TBC1D5: variants seen among roughly 807,000 people sequenced by gnomAD.
TBC1D5 encodes TBC1 domain family member 5.
TBC1D5 carries 75 observed loss-of-function variants against 100.3 expected under a neutral mutation model. The ratio of observed to expected loss-of-function variants is 0.75; its 90% CI spans 0.62 to 0.91. The LOEUF is 0.91. Ranked by LOEUF, TBC1D5 falls within the 40% of genes least tolerant of loss-of-function variation. TBC1D5 has a pLI of 0.00. For missense variants in TBC1D5, 910 were observed against 942.4 expected (o/e 0.97, Z 0.45); for synonymous variants, 323 against 325.6 (o/e 0.99, Z 0.09).
At chr3:17,420,207 CAA>C (rs1236284439) in intron 4 of TBC1D5, among the ~76,000 whole-genome samples, 4 of 128,844 alleles carry the variant, frequency 3.1e-5, no homozygotes, top group African/African-American at 5.7e-5. Context: ...CTCCCTTGAA[CAA>C]AAAAAAAAAA....
chr3:17,706,106 G>T, intron 1 of TBC1D5: 1 of 1,606,102 alleles, frequency 6.2e-7, no homozygotes, highest in Non-Finnish European at 8.5e-7. Flanking sequence ...GCTTGCCCTC[G>T]AAGGTGAAGT....
rs548489645 is a variant in TBC1D5, at chr3:17,628,284, G to A, written c.-100-4371C>T. ...ACTTGTGAGGCCGGGCAGGGGAACT[G>A]CTAGAACCCAGGAGGTAGAGGCTGC... is the stretch of plus-strand genomic sequence containing the variant. On this transcript the variant is annotated intron_variant, in intron 1 of 21. Coordinates refer to ENST00000253692, the Ensembl canonical transcript of TBC1D5. Among the ~76,000 whole-genome samples, 5 of 151,858 alleles carry A rather than the reference G, an allele frequency of 3.3e-5. No individual in the cohort carries two copies. In the South Asian group the frequency reaches 1.0e-3, roughly 31 times the overall value.
intron 8 of TBC1D5, among the ~76,000 whole-genome samples, chr3:17,385,887 T>C (rs1444093554): frequency 1.3e-5 from 2 of 152,026 alleles, no homozygotes; most frequent in Non-Finnish European, 2.9e-5. Flanking sequence ...AGAGAAAAAG[T>C]AACCTGAAGA....
intron 16 of TBC1D5, among the ~76,000 whole-genome samples, chr3:17,248,963 A>T (rs561676237): frequency 2.0e-5 from 3 of 152,284 alleles, no homozygotes; most frequent in Admixed American, 1.3e-4. Flanking sequence ...TGTTACAGAG[A>T]CAACTTCTTC....
chr3:17,289,354 T>TG (rs1283410733), intron 15 of TBC1D5, among the ~76,000 whole-genome samples: 3 of 150,642 alleles, frequency 2.0e-5, no homozygotes, highest in East Asian at 2.0e-4. Flanking sequence ...AGGCCCTGGG[T>TG]GGGAATGTTG....
At chr3:17,408,613 G>A (rs1177193961) in intron 4 of TBC1D5, among the ~76,000 whole-genome samples, 1 of 152,072 alleles carries the variant, frequency 6.6e-6, no homozygotes, top group Non-Finnish European at 1.5e-5. Context: ...GAGACAGTGT[G>A]CCCAAGTCCT....
At chr3:17,666,586 T>C (rs2067276925) in intron 1 of TBC1D5, among the ~76,000 whole-genome samples, 1 of 152,170 alleles carries the variant, frequency 6.6e-6, no homozygotes, top group Admixed American at 6.5e-5. Context: ...CAAGTTAGAC[T>C]TGAAAAGTCT....
chr3:17,319,435 GTTTTT>G (rs35059577), intron 13 of TBC1D5, among the ~76,000 whole-genome samples: 2 of 138,216 alleles, frequency 1.4e-5, no homozygotes, highest in East Asian at 2.1e-4. Flanking sequence ...TAATTTATAG[GTTTTT>G]TTTTTTTTTT....
rs1407817211 is a variant in TBC1D5, at chr3:17,166,923, T to TTTGA, written c.1934_1937dup (p.Lys646AsnfsTer12). 6.3e-7 allele frequency: 1 copy of TTTGA among 1,596,062 alleles called. No individual in the cohort carries two copies. The highest frequency in any genetic ancestry group is 8.5e-7 in the Non-Finnish European group (1 of 1,174,284). On this transcript the variant is annotated frameshift_variant, in exon 21 of 22. Transcript: ENST00000253692. LOFTEE classifies it high-confidence loss of function. ...AACGCAGGGAACCTTTTAGAATGTC[T>TTTGA]TTGATCTATTTTCAAAGAAGAAGAA... is the stretch of plus-strand genomic sequence containing the variant.
At chr3:17,241,198 A>C (rs1559473914) in intron 16 of TBC1D5, among the ~76,000 whole-genome samples, 1 of 152,176 alleles carries the variant, frequency 6.6e-6, no homozygotes, top group Non-Finnish European at 1.5e-5. Context: ...TTTTATACCA[A>C]AGTTATCTAA....
At chr3:17,222,953 T>A (rs1443315995) in intron 17 of TBC1D5, among the ~76,000 whole-genome samples, 1 of 152,096 alleles carries the variant, frequency 6.6e-6, no homozygotes, top group Non-Finnish European at 1.5e-5. Flanking sequence ...ATTATAACTT[T>A]TTTTCATTTT....
chr3:17,709,946 G>A (rs2074555758), intron 1 of TBC1D5, among the ~76,000 whole-genome samples: 3 of 152,218 alleles, frequency 2.0e-5, no homozygotes, highest in Middle Eastern at 3.4e-3. Flanking sequence ...CAACTAGTAG[G>A]AAAAGTATCT....
intron 13 of TBC1D5, among the ~76,000 whole-genome samples, chr3:17,359,286 C>G (rs1350624940): frequency 6.6e-6 from 1 of 152,010 alleles, no homozygotes; most frequent in Admixed American, 6.6e-5. Context: ...GATTCAGCAG[C>G]CTTTGTCAAA....
intron 3 of TBC1D5, among the ~76,000 whole-genome samples, chr3:17,485,193 AG>A (rs1361729859): frequency 6.6e-6 from 1 of 152,022 alleles, no homozygotes; most frequent in Non-Finnish European, 1.5e-5. Context: ...GTAATTGTGA[AG>A]TTTGTGATTC....
At chr3:17,252,983 T>C (rs1453622945) in intron 16 of TBC1D5, among the ~76,000 whole-genome samples, 2 of 152,182 alleles carry the variant, frequency 1.3e-5, no homozygotes, top group Non-Finnish European at 2.9e-5. Context: ...GGTCTTAGAA[T>C]CATCATATTC....
chr3:17,288,363 C>A (rs952012412), intron 15 of TBC1D5, among the ~76,000 whole-genome samples: 4 of 152,112 alleles, frequency 2.6e-5, no homozygotes, highest in Admixed American at 2.0e-4. Context: ...AGGGATGGGT[C>A]CCTGATGAAA....
intron 2 of TBC1D5, among the ~76,000 whole-genome samples, chr3:17,547,302 C>A (rs1348144823): frequency 6.6e-6 from 1 of 152,026 alleles, no homozygotes; most frequent in Admixed American, 6.5e-5. Context: ...TAAAATGAAT[C>A]TTCTCAGTCT....
intron 1 of TBC1D5, among the ~76,000 whole-genome samples, chr3:17,717,192 C>T (rs1202405582): frequency 1.3e-5 from 2 of 151,254 alleles, no homozygotes; most frequent in African/African-American, 2.4e-5. Context: ...TTCTCCCTTG[C>T]TTTCTCTGAA....
At chr3:17,532,683 G>A (rs1469914295) in intron 2 of TBC1D5, among the ~76,000 whole-genome samples, 8 of 152,166 alleles carry the variant, frequency 5.3e-5, no homozygotes, top group Non-Finnish European at 8.8e-5. Context: ...CATTTCCTTT[G>A]TAGGGACATG....
Sources: gnomAD v4.1 joint callset for allele counts (sites outside exome capture counted in the v4.1 genomes callset) on GRCh38, gnomAD v4.1.1 for gene constraint, MANE v1.5 for transcripts, NCBI Gene and HGNC (gene_info 2026-07-23, HGNC 2026-07-21) for gene names.